Variants in PTK2 observed in about 807,000 individuals in gnomAD.
PTK2 encodes focal adhesion kinase 1.
In PTK2, 45 loss-of-function variants were observed where a neutral mutation model predicts 150.1. That is an observed-to-expected ratio of 0.30 (90% CI 0.24 to 0.38). The LOEUF (loss-of-function observed/expected upper bound fraction) is 0.38, where lower values mean the gene tolerates loss of function less well. Ranked by LOEUF, PTK2 falls within the 10% of genes least tolerant of loss-of-function variation. The pLI, the probability that PTK2 is intolerant of heterozygous loss-of-function variation, is 1.00. For synonymous variants in PTK2, 432 were observed against 449.2 expected (o/e 0.96, Z 0.48); for missense variants, 919 against 1,307.3 (o/e 0.70, Z 4.58).
chr8:140,717,468 TTGGTG>T, intron 23 of PTK2, 125 bp downstream of exon 26: 2 of 674,468 alleles, frequency 3.0e-6, no homozygotes, highest in African/African-American at 1.8e-5. Context: ...AAACAATTAG[TTGGTG>T]TTATAACTAT....
intron 2 of PTK2, among the ~76,000 whole-genome samples, chr8:140,917,446 A>G (rs929493888): frequency 3.3e-5 from 5 of 152,192 alleles, no homozygotes; most frequent in Admixed American, 6.5e-5. Flanking sequence ...TCATTCATTT[A>G]TTAGCCACCC....
chr8:140,740,809 CAATT>C (rs1414042806), intron 20 of PTK2, among the ~76,000 whole-genome samples: 1 of 152,172 alleles, frequency 6.6e-6, no homozygotes, highest in Non-Finnish European at 1.5e-5. Context: ...AATGAATAAA[CAATT>C]GATTTTCTTT....
At chr8:140,660,820 A>G (rs1405409796) in intron 31 of PTK2, among the ~76,000 whole-genome samples, 1 of 152,246 alleles carries the variant, frequency 6.6e-6, no homozygotes. Flanking sequence ...AATGCTTTGC[A>G]TGGGAGAGTC....
intron 27 of PTK2, 87 bp downstream of exon 30, chr8:140,686,545 G>A: frequency 9.5e-7 from 1 of 1,049,342 alleles, no homozygotes; most frequent in Non-Finnish European, 1.5e-6. Context: ...ACAAATATTA[G>A]TAAACTTGGA....
chr8:140,927,564 A>G (rs746342904), intron 1 of PTK2: 2 of 152,144 alleles, frequency 1.3e-5, no homozygotes, highest in Non-Finnish European at 2.9e-5. Flanking sequence ...CCCTTCTACA[A>G]CCTGCATTTC....
At chr8:140,929,637 T>G (rs759122314) in intron 1 of PTK2, among the ~76,000 whole-genome samples, 1 of 152,146 alleles carries the variant, frequency 6.6e-6, no homozygotes, top group Admixed American at 6.5e-5. Context: ...CAAAGCCGCA[T>G]GCAACTCCAA....
rs73373577 is a variant in PTK2 at position 140,876,221 on chromosome 8, C to T, written c.362+3250G>A. ...TCCATCTTGCATCCGAGACCCTCCC[C>T]TTCAGAGATGATTTTCGTTTTTCCT... is the stretch of plus-strand genomic sequence containing the variant. On this transcript the variant is annotated intron_variant, in intron 4 of 31. Transcript: ENST00000522684. 4.0e-3 allele frequency among the ~76,000 whole-genome samples: 609 copies of T among 152,260 alleles called. 9 individuals are homozygous for T. The highest frequency in any genetic ancestry group is 0.014 in the African/African-American group (583 of 41,546).
Position 140,781,404 on chromosome 8 carries a change from T to C in PTK2, c.1177+8070A>G, listed in dbSNP as rs146003813. ...ACCCAATACTGCCAACTGTGAAGCATTTATTTTATAAAGACAAAAATACAT... is the reference window on the plus strand; with the variant it reads ...ACCCAATACTGCCAACTGTGAAGCACTTATTTTATAAAGACAAAAATACAT... On this transcript the variant is annotated intron_variant, in intron 14 of 31. Transcript: ENST00000522684. 5.1e-4 allele frequency among the ~76,000 whole-genome samples: 78 copies of C among 152,282 alleles called. 1 individual carries two copies. The East Asian group carries it at 0.015, about 29-fold the overall frequency.
chr8:140,978,729 A>G (rs2100190275), intron 1 of PTK2, among the ~76,000 whole-genome samples: 1 of 151,992 alleles, frequency 6.6e-6, no homozygotes, highest in East Asian at 1.9e-4. Context: ...TAGAACCAGA[A>G]ATACCATTTG....
At chr8:140,847,454 A>G (rs1178240509) in intron 5 of PTK2, among the ~76,000 whole-genome samples, 1 of 152,220 alleles carries the variant, frequency 6.6e-6, no homozygotes, top group Admixed American at 6.5e-5. Context: ...CACATTTTCA[A>G]AGACGAAATG....
intron 22 of PTK2, among the ~76,000 whole-genome samples, chr8:140,726,827 G>A (rs960119334): frequency 6.6e-6 from 1 of 152,192 alleles, no homozygotes; most frequent in Non-Finnish European, 1.5e-5. Context: ...ATATAGAAGA[G>A]TGAGTTTGCT....
intron 1 of PTK2, among the ~76,000 whole-genome samples, chr8:140,965,829 A>G (rs1157105606): frequency 6.6e-6 from 1 of 152,180 alleles, no homozygotes; most frequent in African/African-American, 2.4e-5. Flanking sequence ...GTGAGCCAAG[A>G]ACGCGCCACT....
At chr8:140,734,609 G>T (rs2100051490) in intron 22 of PTK2, 2 of 414,556 alleles carry the variant, frequency 4.8e-6, no homozygotes, top group African/African-American at 4.1e-5. Context: ...GCTTCCTCCA[G>T]GGGTTTAACA....
chr8:140,833,017 A>G (rs1284527427), intron 7 of PTK2: 3 of 518,948 alleles, frequency 5.8e-6, no homozygotes, highest in Middle Eastern at 3.2e-4. Flanking sequence ...AGGCATAACT[A>G]AAGAACTTAC....
At chr8:140,985,450 G>T (rs1438192571) in intron 1 of PTK2, among the ~76,000 whole-genome samples, 1 of 152,102 alleles carries the variant, frequency 6.6e-6, no homozygotes, top group Non-Finnish European at 1.5e-5. Flanking sequence ...AAAATCTATG[G>T]TTTCAGCTAC....
At chr8:140,839,829 T>A (rs1028555089) in intron 7 of PTK2, among the ~76,000 whole-genome samples, 2 of 152,184 alleles carry the variant, frequency 1.3e-5, no homozygotes, top group Non-Finnish European at 2.9e-5. Flanking sequence ...AATTGAGAAG[T>A]ATGTCTTATT....
intron 2 of PTK2, among the ~76,000 whole-genome samples, chr8:140,907,753 T>G (rs983378465): frequency 6.6e-6 from 1 of 152,190 alleles, no homozygotes; most frequent in Non-Finnish European, 1.5e-5. Flanking sequence ...ATATTTCTAT[T>G]GTAACTGTCT....
chr8:140,762,000 T>C (rs1425620685), intron 15 of PTK2, among the ~76,000 whole-genome samples: 4 of 152,124 alleles, frequency 2.6e-5, no homozygotes, highest in Non-Finnish European at 5.9e-5. Flanking sequence ...AAGAATGTAA[T>C]AGATTCAATT....
At chr8:140,844,388 AATTATTT>A (rs1196402818) in intron 7 of PTK2, among the ~76,000 whole-genome samples, 3 of 152,082 alleles carry the variant, frequency 2.0e-5, no homozygotes, top group African/African-American at 7.2e-5. Context: ...TATTTACATA[AATTATTT>A]GGAATTTTTC....
Sources: allele counts gnomAD v4.1 joint callset (sites outside exome capture counted in the v4.1 genomes callset), GRCh38; gene constraint gnomAD v4.1.1; transcripts MANE v1.5; gene names NCBI Gene and HGNC (gene_info 2026-07-23, HGNC 2026-07-21).